The following PNPLA6 variants were observed in gnomAD, a reference collection of about 807,000 sequenced individuals.
PNPLA6 encodes patatin like domain 6, lysophospholipase.
In PNPLA6, 105 loss-of-function variants were observed where a neutral mutation model predicts 153.7. That is an observed-to-expected ratio of 0.68 (90% CI 0.58 to 0.80). PNPLA6 has a LOEUF of 0.80. Ranked by LOEUF, PNPLA6 falls within the 30% of genes least tolerant of loss-of-function variation. PNPLA6 has a pLI of 0.00. For missense variants in PNPLA6, 1,423 were observed against 1,919.3 expected (o/e 0.74, Z 4.83); for synonymous variants, 825 against 822.2 (o/e 1.00, Z -0.06).
chr19:7,548,139 G>A (rs2023468316), intron 13 of PNPLA6, among the ~76,000 whole-genome samples: 1 of 150,798 alleles, frequency 6.6e-6, no homozygotes, highest in Admixed American at 6.6e-5. Flanking sequence ...GAGGTCAGGA[G>A]TTCAAGACCA....
rs1447670303 is a variant in PNPLA6, at chr19:7,535,848, G to C, written c.60G>C (p.Arg20Ser). The change falls in exon 1 of 32, where the codon AGG becomes AGC. Residue 20 changes from arginine to serine, a missense_variant. Around this residue, in one of 10 missense-constraint regions of PNPLA6, gnomAD observed 109 missense variants for 109.4 expected, o/e 1.00. Coordinates refer to ENST00000600737, the MANE Select transcript of PNPLA6 (RefSeq NM_001166114.2). This position sits in a 1 kb window ranked among gnomAD's most constrained non-coding sequence, Gnocchi z 5.0. Reference sequence around the variant, plus strand: ...CCTCGGGGGCGAAGGTGGCGGAGAGGGATGGGTTCCAGGACGTCCTGGCGC... The same window carrying C: ...CCTCGGGGGCGAAGGTGGCGGAGAGCGATGGGTTCCAGGACGTCCTGGCGC... ...TNSSGAKVAE[R>S]DGFQDVLAPG... is the part of the protein sequence containing the mutation. 1 of 1,538,020 alleles carries C rather than the reference G, an allele frequency of 6.5e-7. No homozygotes were observed. The highest frequency in any genetic ancestry group is 8.7e-7 in the Non-Finnish European group (1 of 1,147,274).
In PNPLA6 at chr19:7,542,690, C is replaced by T. The variant is rs752864354; in HGVS notation, c.1362+20C>T. ...GCTCGGGTAAGGCTTGGGACCCTGC[C>T]CGGTGGTGGAGCCCGCAGGGGAAGG... is the stretch of plus-strand genomic sequence containing the variant. On this transcript the variant is annotated intron_variant, in intron 11 of 31. Transcript: ENST00000600737. 6.2e-7 allele frequency: 1 copy of T among 1,612,192 alleles called. No individual in the cohort carries two copies. Among genetic ancestry groups the T allele is most frequent in the South Asian group, 1.1e-5 (1 of 91,058 alleles).
chr19:7,539,900 C>T lies in PNPLA6; in HGVS notation c.414-18C>T, dbSNP rs149630061. 11,032 of 1,520,738 alleles carry T rather than the reference C, an allele frequency of 7.3e-3. 66 individuals are homozygous for T. The highest frequency in any genetic ancestry group is 9.2e-3 in the Non-Finnish European group (10,448 of 1,130,418). 94.2% of individuals were successfully genotyped at this position (1,520,738 alleles called of 1,614,324 possible). A position where few individuals can be genotyped will look rare whatever the true frequency, so the allele number is the denominator to read the frequency against. ...CTCCGTGCCCCCCTCACCCCCGGCA[C>T]CCCTCCCCTCCCACCAGGATCCTGC... On this transcript the variant is annotated intron_variant, in intron 3 of 31. Transcript: ENST00000600737.
chr19:7,543,387 C>T (rs958824954), intron 13 of PNPLA6, among the ~76,000 whole-genome samples: 3 of 152,176 alleles, frequency 2.0e-5, no homozygotes, highest in African/African-American at 7.2e-5. Context: ...GTTTTCTGAA[C>T]TTCTGATCCT....
intron 13 of PNPLA6, among the ~76,000 whole-genome samples, chr19:7,547,113 C>T (rs1412126645): frequency 6.6e-6 from 1 of 152,160 alleles, no homozygotes; most frequent in Non-Finnish European, 1.5e-5. Flanking sequence ...CCATATTGGT[C>T]AGGCTGGTCT....
intron 13 of PNPLA6, among the ~76,000 whole-genome samples, chr19:7,544,407 C>A (rs1599282088): frequency 6.6e-6 from 1 of 152,206 alleles, no homozygotes. Flanking sequence ...CCACTGTGCC[C>A]AGCCTACTGA....
At chr19:7,558,825 C>G (rs1284857744) in intron 27 of PNPLA6, 25 bp from the exon 28 acceptor site, 3 of 1,589,336 alleles carry the variant, frequency 1.9e-6, no homozygotes, top group Admixed American at 1.7e-5. Context: ...AGGGGAGCAG[C>G]CCGCTGACCC....
rs2023133447 is a variant in PNPLA6, at chr19:7,541,404, C to T, written c.975C>T (p.Tyr325=). 6.2e-7 allele frequency: 1 copy of T among 1,613,930 alleles called. No homozygotes were observed. Among genetic ancestry groups the T allele is most frequent in the Admixed American group, 1.7e-5 (1 of 59,984 alleles). Residue 325 remains tyrosine, a synonymous_variant, in exon 8 of 32, where the codon TAC becomes TAT. Transcript: ENST00000600737. The surrounding 1 kb of genome is among the most constrained non-coding windows in gnomAD (Gnocchi z 5.2). ...QRVTFLALHN[Y]LGLTNELFSH... is the part of the protein sequence containing the mutation. The stretch of plus-strand genomic sequence containing the variant: ...TCACCTTCCTGGCACTGCACAACTA[C>T]CTGGGTCTGACCAATGAGCTCTTCA...
intron 3 of PNPLA6, among the ~76,000 whole-genome samples, 170 bp downstream of exon 3, chr19:7,536,716 T>G (rs2022888222): frequency 6.6e-6 from 1 of 151,986 alleles, no homozygotes; most frequent in African/African-American, 2.4e-5. Context: ...TCACCTGAGA[T>G]CAGGAGTTTG....
Position 7,535,762 on chromosome 19 carries a change from A to T in PNPLA6, c.-27A>T. ...TCAGGGAAGAGTCGCGCCCCCGGGG[A>T]GGGAGCAGCACTGGCCCATTCTGCA... is the stretch of plus-strand genomic sequence containing the variant. On this transcript the variant is annotated 5_prime_UTR_variant, in exon 1 of 32. Transcript: ENST00000600737. This position sits in a 1 kb window ranked among gnomAD's most constrained non-coding sequence, Gnocchi z 5.0. The T allele has an allele frequency of 6.6e-7, 1 of 1,518,450 alleles. No homozygotes were observed. Among genetic ancestry groups the T allele is most frequent in the South Asian group, 1.2e-5 (1 of 82,528 alleles). 94.1% of individuals were successfully genotyped at this position (1,518,450 alleles called of 1,614,324 possible).
Position 7,540,772 on chromosome 19 carries a change from T to A in PNPLA6, c.795+62T>A. 1 of 1,545,388 alleles carries A rather than the reference T, an allele frequency of 6.5e-7. No homozygotes were observed. The highest frequency in any genetic ancestry group is 8.9e-7 in the Non-Finnish European group (1 of 1,117,428). Reference sequence around the variant, plus strand: ...GCAAGGTCCCACCCAAGGGACTAGGTTGAAGGAAATCACAGGGTCCCCAAT... The same window carrying A: ...GCAAGGTCCCACCCAAGGGACTAGGATGAAGGAAATCACAGGGTCCCCAAT... On this transcript the variant is annotated intron_variant, in intron 6 of 31. Coordinates refer to ENST00000600737, the MANE Select transcript of PNPLA6 (RefSeq NM_001166114.2). The surrounding 1 kb of genome is among the most constrained non-coding windows in gnomAD (Gnocchi z 6.8).
Position 7,541,079 on chromosome 19 carries a change from C to T in PNPLA6, c.924+28C>T, listed in dbSNP as rs1327344310. The T allele has an allele frequency of 5.6e-5, 89 of 1,600,456 alleles. No homozygotes were observed. The highest frequency in any genetic ancestry group is 7.3e-5 in the Non-Finnish European group (86 of 1,174,896). On this transcript the variant is annotated intron_variant, in intron 7 of 31. Coordinates refer to ENST00000600737, the MANE Select transcript of PNPLA6 (RefSeq NM_001166114.2). This position sits in a 1 kb window ranked among gnomAD's most constrained non-coding sequence, Gnocchi z 5.2. ...CAGTGGGCCTTCGCCTCCTGTCACC[C>T]CCTGAGGGACCCCACCCTGGCCCCC...
chr19:7,537,151 G>T (rs987754129), intron 3 of PNPLA6, among the ~76,000 whole-genome samples: 14 of 151,966 alleles, frequency 9.2e-5, no homozygotes, highest in Non-Finnish European at 1.5e-4. Flanking sequence ...TATACTTAGT[G>T]GGGGGGTCTA....
chr19:7,548,643 T>G lies in PNPLA6; in HGVS notation c.1609-1264T>G, dbSNP rs540073345. Among the ~76,000 whole-genome samples the G allele has an allele frequency of 2.6e-5, 4 of 152,094 alleles. No individual in the cohort carries two copies. In the East Asian group the frequency reaches 5.8e-4, roughly 22 times the overall value. ...ATAGTCTGTAAATGGTCTGCGCAGGTGCAATTTTTTTTTCCTGAATATTTT... is the reference window on the plus strand; with the variant it reads ...ATAGTCTGTAAATGGTCTGCGCAGGGGCAATTTTTTTTTCCTGAATATTTT... On this transcript the variant is annotated intron_variant, in intron 13 of 31. Coordinates refer to ENST00000600737, the MANE Select transcript of PNPLA6 (RefSeq NM_001166114.2).
Position 7,549,941 on chromosome 19 carries a change from T to A in PNPLA6, c.1643T>A (p.Leu548Gln). The A allele has an allele frequency of 6.2e-7, 1 of 1,613,830 alleles. No individual in the cohort carries two copies. The highest frequency in any genetic ancestry group is 2.2e-5 in the East Asian group (1 of 44,880). Residue 548 changes from leucine to glutamine, a missense_variant, in exon 14 of 32, where the codon CTG (leucine) becomes CAG (glutamine). Coordinates refer to ENST00000600737, the MANE Select transcript of PNPLA6 (RefSeq NM_001166114.2). Reference sequence around the variant, plus strand: ...CTGCACTTCGTGCTCTGGGGCTGCCTGCACGTGTACCAGCGCATGATCGAC... The same window carrying A: ...CTGCACTTCGTGCTCTGGGGCTGCCAGCACGTGTACCAGCGCATGATCGAC... ...VSLHFVLWGC[L>Q]HVYQRMIDKA...
At chr19:7,547,120 G>A (rs1411786991) in intron 13 of PNPLA6, among the ~76,000 whole-genome samples, 1 of 152,110 alleles carries the variant, frequency 6.6e-6, no homozygotes, top group Non-Finnish European at 1.5e-5. Context: ...GGTCAGGCTG[G>A]TCTTGAACTC....
In PNPLA6 at chr19:7,540,848, G is replaced by A. The variant is rs369024337; in HGVS notation, c.796-75G>A. 1 of 1,603,082 alleles carries A rather than the reference G, an allele frequency of 6.2e-7. No homozygotes were observed. On this transcript the variant is annotated intron_variant, in intron 6 of 31. Coordinates refer to ENST00000600737, the MANE Select transcript of PNPLA6 (RefSeq NM_001166114.2). This position sits in a 1 kb window ranked among gnomAD's most constrained non-coding sequence, Gnocchi z 6.8. Reference sequence around the variant, plus strand: ...ATGGCCCCTCACGGGACTGGCGCCAGGAAGGATTAGGGGAGTAGCGAGGGG... The same window carrying A: ...ATGGCCCCTCACGGGACTGGCGCCAAGAAGGATTAGGGGAGTAGCGAGGGG...
chr19:7,541,540 C>T lies in PNPLA6; in HGVS notation c.1024C>T (p.Leu342=). 1 of 1,606,680 alleles carries T rather than the reference C, an allele frequency of 6.2e-7. No individual in the cohort carries two copies. Among genetic ancestry groups the T allele is most frequent in the Non-Finnish European group, 8.5e-7 (1 of 1,176,748 alleles). Residue 342 remains leucine, a synonymous_variant, in exon 9 of 32, where the codon CTG becomes TTG. Coordinates refer to ENST00000600737, the MANE Select transcript of PNPLA6 (RefSeq NM_001166114.2). This position sits in a 1 kb window ranked among gnomAD's most constrained non-coding sequence, Gnocchi z 5.2. ...LFSHEIQPLR[L]FPSPGLPTRT... The stretch of plus-strand genomic sequence containing the variant: ...CCCCCAGGAGATCCAGCCCCTGCGT[C>T]TGTTCCCCAGCCCCGGCCTCCCAAC...
At position 7,558,835 on chromosome 19, in the gene PNPLA6, C is replaced by A. The variant is rs370069081; in HGVS notation, c.3398-15C>A. ...CCCCGAGGGGAGCAGCCCGCTGACC[C>A]CCCTGGCCCCACAGCGGACATCGCC... On this transcript the variant is annotated splice_polypyrimidine_tract_variant and intron_variant, in intron 27 of 31. Transcript: ENST00000600737. 52 of 1,600,090 alleles carry A rather than the reference C, an allele frequency of 3.2e-5. No individual in the cohort carries two copies. In the African/African-American group the frequency reaches 6.4e-4, roughly 20 times the overall value.
Sources: allele counts gnomAD v4.1 joint callset (sites outside exome capture counted in the v4.1 genomes callset), GRCh38; gene constraint gnomAD v4.1.1; regional missense constraint gnomAD v4.1.1; non-coding constraint Gnocchi (gnomAD v3.1); transcripts MANE v1.5; gene names NCBI Gene and HGNC (gene_info 2026-07-23, HGNC 2026-07-21).